The following ATF6 variants were observed in gnomAD, a reference collection of about 807,000 sequenced individuals.
ATF6 encodes the protein cyclic AMP-dependent transcription factor ATF-6 alpha.
ATF6 carries 53 observed loss-of-function variants against 83.6 expected under a neutral mutation model. The ratio of observed to expected loss-of-function variants is 0.63; its 90% CI spans 0.51 to 0.80. The LOEUF (loss-of-function observed/expected upper bound fraction) is 0.80. Among genes scored for constraint, ATF6 ranks in the 30% least tolerant of loss-of-function variants. The pLI is 0.00. For missense variants in ATF6, 744 were observed against 797.9 expected, an observed-to-expected ratio of 0.93 and a Z score of 0.81; for synonymous variants, 288 against 285.8, an observed-to-expected ratio of 1.01 and a Z score of -0.08.
chr1:161,892,400 ACTTC>A (rs777090224), intron 14 of ATF6, among the ~76,000 whole-genome samples: 18 of 152,192 alleles, frequency 1.2e-4, no homozygotes, highest in Non-Finnish European at 2.4e-4. Flanking sequence ...GTGGAAAATG[ACTTC>A]CTTCCATAAT....
intron 7 of ATF6, among the ~76,000 whole-genome samples, chr1:161,806,729 C>T (rs1333263367): frequency 6.6e-6 from 1 of 152,038 alleles, no homozygotes; most frequent in Non-Finnish European, 1.5e-5. Flanking sequence ...CTTTGGGAGT[C>T]CCTGTCTTGG....
At chr1:161,927,667 G>C (rs1296158616) in intron 15 of ATF6, among the ~76,000 whole-genome samples, 3 of 152,154 alleles carry the variant, frequency 2.0e-5, no homozygotes, top group Non-Finnish European at 4.4e-5. Flanking sequence ...AGAAAATAAT[G>C]AGCAATGCCA....
intron 14 of ATF6, among the ~76,000 whole-genome samples, chr1:161,903,123 C>T (rs1386417099): frequency 2.6e-5 from 4 of 151,972 alleles, no homozygotes; most frequent in African/African-American, 9.7e-5. Context: ...CTTCCTTGCC[C>T]CTAGCACACA....
At chr1:161,874,743 G>C (rs1370043261) in intron 14 of ATF6, among the ~76,000 whole-genome samples, 1 of 151,624 alleles carries the variant, frequency 6.6e-6, no homozygotes, top group Non-Finnish European at 1.5e-5. Context: ...TCTAGTAGAG[G>C]TAGGAGCAAT....
chr1:161,952,662 A>G (rs1688889044), intron 15 of ATF6, among the ~76,000 whole-genome samples: 1 of 149,664 alleles, frequency 6.7e-6, no homozygotes, highest in South Asian at 2.1e-4. Flanking sequence ...TTTAATGTTC[A>G]GGCATTATAT....
At chr1:161,846,816 G>A (rs1396699790) in intron 10 of ATF6, among the ~76,000 whole-genome samples, 1 of 151,838 alleles carries the variant, frequency 6.6e-6, no homozygotes, top group Non-Finnish European at 1.5e-5. Flanking sequence ...ATCTCAGTTT[G>A]TGTGCATTAA....
intron 12 of ATF6, among the ~76,000 whole-genome samples, chr1:161,857,019 TGTATTTGTCAGTA>T (rs1486693835): frequency 7.9e-5 from 12 of 152,190 alleles, no homozygotes; most frequent in Non-Finnish European, 1.6e-4. Context: ...GGGAAGAATC[TGTATTTGTCAGTA>T]GTATTTGTCA....
At chr1:161,813,464 T>C (rs1685524333) in intron 7 of ATF6, among the ~76,000 whole-genome samples, 1 of 152,234 alleles carries the variant, frequency 6.6e-6, no homozygotes, top group African/African-American at 2.4e-5. Context: ...ATGAAGTGGC[T>C]TTAAACTTTT....
chr1:161,818,114 A>C (rs920000404), intron 7 of ATF6, among the ~76,000 whole-genome samples: 2 of 151,882 alleles, frequency 1.3e-5, no homozygotes, highest in Admixed American at 1.3e-4. Context: ...AAAAAAAAAA[A>C]AAAGGAAATA....
chr1:161,788,581 T>C (rs887688375), intron 4 of ATF6, among the ~76,000 whole-genome samples: 1 of 152,098 alleles, frequency 6.6e-6, no homozygotes, highest in African/African-American at 2.4e-5. Flanking sequence ...TCTTTTTTTT[T>C]CTTTTCCTTT....
chr1:161,826,760 T>G (rs1001334146), intron 9 of ATF6, among the ~76,000 whole-genome samples: 4 of 152,154 alleles, frequency 2.6e-5, no homozygotes, highest in African/African-American at 9.7e-5. Flanking sequence ...CTGTGAAATT[T>G]ATAAAAACCA....
At chr1:161,810,265 C>T (rs1685423140) in intron 7 of ATF6, among the ~76,000 whole-genome samples, 1 of 152,148 alleles carries the variant, frequency 6.6e-6, no homozygotes, top group South Asian at 2.1e-4. Flanking sequence ...CCTCAGGAAA[C>T]TTACAATCAT....
At chr1:161,893,870 T>C (rs1301305677) in intron 14 of ATF6, among the ~76,000 whole-genome samples, 1 of 152,218 alleles carries the variant, frequency 6.6e-6, no homozygotes, top group East Asian at 1.9e-4. Flanking sequence ...TTACTCAAAC[T>C]GTCAAGCTTT....
In ATF6 at chr1:161,887,247, C is replaced by CT. The variant is rs5778239; in HGVS notation, c.1719+23947dup. Among the ~76,000 whole-genome samples the CT allele has an allele frequency of 3.3e-3, 469 of 143,778 alleles. 1 individual carries two copies. The highest frequency in any genetic ancestry group is 6.7e-3 in the South Asian group (30 of 4,474). The allele number at this position is 143,778 out of a possible 152,430, so 94.3% of individuals were successfully genotyped here. On this transcript the variant is annotated intron_variant, in intron 14 of 15. Transcript: ENST00000367942. The stretch of plus-strand genomic sequence containing the variant: ...CCACCACACCTGGCTAATTTTTGTG[C>CT]TTTTTTTTTTTTAGTAGAGACGGGG...
intron 14 of ATF6, among the ~76,000 whole-genome samples, chr1:161,871,597 A>T (rs909348735): frequency 6.6e-6 from 1 of 151,706 alleles, no homozygotes; most frequent in Non-Finnish European, 1.5e-5. Flanking sequence ...GCAGAACTGC[A>T]TTCCCAGAAA....
intron 14 of ATF6, among the ~76,000 whole-genome samples, chr1:161,908,844 A>G (rs538529638): frequency 7.9e-5 from 12 of 152,276 alleles, no homozygotes; most frequent in East Asian, 3.9e-4. Flanking sequence ...AAGAAATACA[A>G]ATTCATCAAA....
chr1:161,936,103 T>C (rs77505094), intron 15 of ATF6, among the ~76,000 whole-genome samples: 8,410 of 152,256 alleles, frequency 0.055, 329 homozygotes, highest in Middle Eastern at 0.14. Flanking sequence ...TGCTCCCTTA[T>C]GGTTTAGGTT....
intron 15 of ATF6, among the ~76,000 whole-genome samples, chr1:161,928,549 C>T (rs996015790): frequency 5.3e-5 from 8 of 151,950 alleles, no homozygotes; most frequent in African/African-American, 1.9e-4. Context: ...AAATTCATTC[C>T]ATCCAAATTT....
intron 6 of ATF6, among the ~76,000 whole-genome samples, chr1:161,798,350 A>G (rs1250531049): frequency 6.6e-6 from 1 of 152,236 alleles, no homozygotes; most frequent in East Asian, 1.9e-4. Context: ...GTGGTGGTTC[A>G]CACCTGTAAT....
Sources: allele counts gnomAD v4.1 joint callset (sites outside exome capture counted in the v4.1 genomes callset), GRCh38; gene constraint gnomAD v4.1.1; transcripts MANE v1.5; gene names NCBI Gene and HGNC (gene_info 2026-07-23, HGNC 2026-07-21).